MMP26: variants seen among roughly 807,000 people sequenced by gnomAD.
MMP26 encodes the protein matrix metalloproteinase-26.
Under a neutral mutation model 31.0 loss-of-function variants are expected in MMP26, and 33 were observed. The observed-to-expected ratio is 1.06, with a 90% CI of 0.81 to 1.42. The LOEUF (loss-of-function observed/expected upper bound fraction) is 1.42, where lower values mean the gene tolerates loss of function less well. Among genes scored for constraint, MMP26 ranks in the 40% most tolerant of loss-of-function variants. The probability of loss-of-function intolerance (pLI) is 0.00; values close to 1 mark genes in which losing one functional copy is unlikely to be tolerated. For synonymous variants in MMP26, 122 were observed against 114.9 expected (o/e 1.06, Z -0.40); for missense variants, 347 against 316.1 (o/e 1.10, Z -0.74).
At chr11:4,991,133 C>T (rs1417556236) in intron 5 of MMP26, among the ~76,000 whole-genome samples, 2 of 152,162 alleles carry the variant, frequency 1.3e-5, no homozygotes, top group Non-Finnish European at 2.9e-5. Context: ...TGTTGTCTAA[C>T]TTGTAAGCTT....
intron 2 of MMP26, chr11:4,955,736 A>C (rs769910133): frequency 1.0e-5 from 16 of 1,571,448 alleles, no homozygotes; most frequent in Non-Finnish European, 1.2e-5. Flanking sequence ...GGGCTCTGCT[A>C]TGAAAAATAC....
intron 2 of MMP26, among the ~76,000 whole-genome samples, chr11:4,963,646 G>C (rs908295714): frequency 3.9e-5 from 6 of 152,114 alleles, no homozygotes; most frequent in Non-Finnish European, 5.9e-5. Context: ...GGTTCAATAA[G>C]AACCTGACTT....
intron 2 of MMP26, chr11:4,803,570 C>T (rs1849213856): frequency 5.0e-6 from 8 of 1,613,818 alleles, no homozygotes; most frequent in Non-Finnish European, 6.8e-6. Flanking sequence ...ACTCGGGGCA[C>T]ATCATGGCCA....
chr11:4,785,496 C>T (rs1848929167), intron 2 of MMP26, among the ~76,000 whole-genome samples: 1 of 152,056 alleles, frequency 6.6e-6, no homozygotes, highest in East Asian at 1.9e-4. Context: ...GTATTTTGTA[C>T]CATCCTCTAG....
intron 2 of MMP26, chr11:4,908,053 A>G (rs774541462): frequency 8.1e-6 from 13 of 1,614,028 alleles, no homozygotes; most frequent in East Asian, 2.2e-5. Flanking sequence ...TCAGCATTGC[A>G]TCTTTGGCAG....
At position 4,814,643 on chromosome 11, in the gene MMP26, T is replaced by G. The variant is rs1050426114; in HGVS notation, c.-145+47302T>G. ...AACCAGGTTGTGTTCCAAGGGTTAT[T>G]ATGCTCTAAGTAGTTTTTTTCTGAG... is the stretch of plus-strand genomic sequence containing the variant. On this transcript the variant is annotated intron_variant, in intron 2 of 7. Transcript: ENST00000380390. Among the ~76,000 whole-genome samples the G allele has an allele frequency of 4.6e-5, 7 of 152,344 alleles. No individual in the cohort carries two copies. In the East Asian group the frequency reaches 1.2e-3, roughly 25 times the overall value.
intron 1 of MMP26, among the ~76,000 whole-genome samples, chr11:4,760,685 G>A (rs567623748): frequency 6.6e-6 from 1 of 152,304 alleles, no homozygotes; most frequent in African/African-American, 2.4e-5. Flanking sequence ...ATTTCATGGA[G>A]CCAGTGTGTG....
intron 2 of MMP26, among the ~76,000 whole-genome samples, chr11:4,845,711 T>C (rs1472902374): frequency 2.6e-5 from 4 of 152,096 alleles, no homozygotes; most frequent in Non-Finnish European, 5.9e-5. Flanking sequence ...AAAGGATTAA[T>C]AACTAGAATA....
chr11:4,922,977 T>C (rs918863447), intron 2 of MMP26, among the ~76,000 whole-genome samples: 2 of 152,288 alleles, frequency 1.3e-5, no homozygotes, highest in East Asian at 1.9e-4. Context: ...AATAAAAATA[T>C]GTTTAAACAG....
At chr11:4,817,900 C>T (rs1330183358) in intron 2 of MMP26, among the ~76,000 whole-genome samples, 2 of 152,024 alleles carry the variant, frequency 1.3e-5, no homozygotes, top group Non-Finnish European at 2.9e-5. Context: ...AGAAAGGGCA[C>T]CTCTTCCTCT....
Position 4,900,152 on chromosome 11 carries a change from A to G in MMP26, c.-144-87916A>G, listed in dbSNP as rs935344231. On this transcript the variant is annotated intron_variant, in intron 2 of 7. Transcript: ENST00000380390. ...GCTTTTGAGTGGTGTAGCCCATGAT[A>G]CAAGCATGGTTGTGTGTCTACTGTT... Among the ~76,000 whole-genome samples, 5 of 152,272 alleles carry G rather than the reference A, an allele frequency of 3.3e-5. No homozygotes were observed. In the South Asian group the frequency reaches 6.2e-4, roughly 19 times the overall value.
intron 2 of MMP26, among the ~76,000 whole-genome samples, chr11:4,932,854 C>A (rs1444071481): frequency 6.6e-6 from 1 of 152,098 alleles, no homozygotes; most frequent in African/African-American, 2.4e-5. Flanking sequence ...TCAAAATACA[C>A]ATCATTTTCA....
intron 2 of MMP26, chr11:4,903,961 G>T (rs908712995): frequency 6.6e-6 from 1 of 152,058 alleles, no homozygotes; most frequent in Non-Finnish European, 1.5e-5. Flanking sequence ...AAACAAGAAG[G>T]TTAAATATCG....
At chr11:4,788,718 G>T (rs1220926951) in intron 2 of MMP26, among the ~76,000 whole-genome samples, 1 of 152,060 alleles carries the variant, frequency 6.6e-6, no homozygotes, top group African/African-American at 2.4e-5. Context: ...ATTTTGAAGG[G>T]TTAGGAAGAT....
chr11:4,859,993 C>A (rs1273400024), intron 2 of MMP26: 1 of 471,068 alleles, frequency 2.1e-6, no homozygotes. Flanking sequence ...GGTGCTGGCA[C>A]AAGCTAGCCG....
chr11:4,764,844 C>A (rs1417406709), intron 1 of MMP26, among the ~76,000 whole-genome samples: 2 of 151,916 alleles, frequency 1.3e-5, no homozygotes, highest in African/African-American at 2.4e-5. Context: ...CGCCACTGCA[C>A]CCCAGCCTGG....
intron 1 of MMP26, among the ~76,000 whole-genome samples, chr11:4,761,786 G>C (rs1848571299): frequency 6.6e-6 from 1 of 152,130 alleles, no homozygotes; most frequent in Non-Finnish European, 1.5e-5. Context: ...CAGATGATTT[G>C]AAAGTATCTC....
chr11:4,992,224 T>G lies in MMP26; in HGVS notation c.768T>G (p.Cys256Trp), dbSNP rs1190697185. 6.2e-7 allele frequency: 1 copy of G among 1,611,368 alleles called. No individual in the cohort carries two copies. Among genetic ancestry groups the G allele is most frequent in the Admixed American group, 1.7e-5 (1 of 59,626 alleles). The change falls in exon 8 of 8, where the codon TGT (cysteine) becomes TGG (tryptophan). Residue 256 changes from cysteine (C) to tryptophan (W), a missense_variant. By Grantham distance (215) the Cys-to-Trp change is radical. Coordinates refer to ENST00000380390, the MANE Select transcript of MMP26 (RefSeq NM_021801.5). The stretch of plus-strand genomic sequence containing the variant: ...TTTCTGTTTCCATAGGAGAAAAATG[T>G]TCATCTGACATACCTTAATGTTAGC... ...QRIQHLYGEKCSSDIP is the reference protein window; with the variant it reads ...QRIQHLYGEKWSSDIP
intron 2 of MMP26, among the ~76,000 whole-genome samples, chr11:4,961,711 T>G (rs1036252280): frequency 6.6e-6 from 1 of 152,192 alleles, no homozygotes; most frequent in Non-Finnish European, 1.5e-5. Context: ...ACACTTGGGA[T>G]TTTAATTTTT....
Sources: allele counts gnomAD v4.1 joint callset (sites outside exome capture counted in the v4.1 genomes callset), GRCh38; gene constraint gnomAD v4.1.1; transcripts MANE v1.5; gene names NCBI Gene and HGNC (gene_info 2026-07-23, HGNC 2026-07-21).